Variants in SPATS2L observed in about 807,000 individuals in gnomAD.
SPATS2L encodes the protein SPATS2-like protein.
Under a neutral mutation model 59.6 loss-of-function variants are expected in SPATS2L, and 30 were observed. That is an observed-to-expected ratio of 0.50 (90% CI 0.38 to 0.68). The LOEUF (loss-of-function observed/expected upper bound fraction) is 0.68. SPATS2L is among the 30% of genes least tolerant of loss of function. The probability of loss-of-function intolerance (pLI) is 0.00; values close to 1 mark genes in which losing one functional copy is unlikely to be tolerated. For missense variants in SPATS2L, 615 were observed against 700.0 expected (o/e 0.88, Z 1.37); for synonymous variants, 252 against 263.5 (o/e 0.96, Z 0.42).
At chr2:200,368,887 A>G (rs936730883) in intron 2 of SPATS2L, among the ~76,000 whole-genome samples, 1 of 152,242 alleles carries the variant, frequency 6.6e-6, no homozygotes, top group Non-Finnish European at 1.5e-5. Context: ...AGTTTTACAT[A>G]TACATATATA....
intron 6 of SPATS2L, among the ~76,000 whole-genome samples, chr2:200,428,165 T>TTCACCTCCCTCTCACTCA (rs1204979414): frequency 3.3e-5 from 5 of 152,324 alleles, no homozygotes; most frequent in Non-Finnish European, 7.4e-5. Context: ...GTCTCCACTC[T>TTCACCTCCCTCTCACTCA]TCACCTCCCT....
rs561418378 is a variant in SPATS2L at position 200,439,246 on chromosome 2, T to C, written c.570T>C (p.Pro190=). 15 of 1,613,728 alleles carry C rather than the reference T, an allele frequency of 9.3e-6. No individual in the cohort carries two copies. The African/African-American group carries it at 1.9e-4, about 20-fold the overall frequency. Residue 190 remains proline (P), a synonymous_variant, in exon 7 of 13, where the codon CCT becomes CCC. Transcript: ENST00000409140. ...AGCAGCCTTGTAACCCAAGCAAGCC[T>C]AAGGCAAAAACATCTCCTGTTAAGT... is the stretch of plus-strand genomic sequence containing the variant. ...SAEQPCNPSK[P]KAKTSPVKSN... is the part of the protein sequence containing the mutation.
chr2:200,322,189 G>T (rs1206211128), intron 1 of SPATS2L, among the ~76,000 whole-genome samples: 2 of 152,140 alleles, frequency 1.3e-5, no homozygotes, highest in Non-Finnish European at 2.9e-5. Context: ...AGGAAATGAA[G>T]CATTGATATG....
At chr2:200,419,996 T>C (rs952639936) in intron 6 of SPATS2L, among the ~76,000 whole-genome samples, 11 of 152,224 alleles carry the variant, frequency 7.2e-5, no homozygotes, top group African/African-American at 2.2e-4. Context: ...TGTTATTCAA[T>C]GTTTTCTTTA....
intron 7 of SPATS2L, 115 bp from the exon 8 acceptor site, chr2:200,440,534 C>A: frequency 9.8e-7 from 1 of 1,015,466 alleles, no homozygotes; most frequent in Non-Finnish European, 1.4e-6. Flanking sequence ...GGAACTTTTA[C>A]TAGACAAAAG....
rs763086707 is a variant in SPATS2L at position 200,467,251 on chromosome 2, A to G, written c.848-39A>G. On this transcript the variant is annotated intron_variant, in intron 9 of 12. Coordinates refer to ENST00000409140, the MANE Select transcript of SPATS2L (RefSeq NM_001100423.2). ...AAATTAGGTTATTTAATATGTTTCA[A>G]TCTCTGGCCCTAATGTATGACTCCT... 71 of 1,339,390 alleles carry G rather than the reference A, an allele frequency of 5.3e-5. No homozygotes were observed. Among genetic ancestry groups the G allele is most frequent in the South Asian group, 4.7e-5 (4 of 85,118 alleles). The allele number at this position is 1,339,390 out of a possible 1,614,324, so 83.0% of individuals were successfully genotyped here.
At chr2:200,332,159 AGAGAGAGG>A (rs1323281692) in intron 2 of SPATS2L, among the ~76,000 whole-genome samples, 3 of 8,992 alleles carry the variant, frequency 3.3e-4, no homozygotes, top group Non-Finnish European at 2.5e-3. Context: ...TGTGTGAGAG[AGAGAGAGG>A]GAGAGGGAGA....
intron 9 of SPATS2L, 64 bp downstream of exon 9, chr2:200,459,891 G>T: frequency 8.3e-7 from 1 of 1,199,288 alleles, no homozygotes; most frequent in South Asian, 1.4e-5. Context: ...CCATAGGTCA[G>T]ACTGACAATG....
intron 8 of SPATS2L, among the ~76,000 whole-genome samples, chr2:200,456,750 G>T (rs1262885703): frequency 6.6e-6 from 1 of 152,070 alleles, no homozygotes; most frequent in Non-Finnish European, 1.5e-5. Context: ...CCTCCACTGG[G>T]CATCTGAGGA....
At chr2:200,313,824 C>G (rs2079273094) in intron 1 of SPATS2L, among the ~76,000 whole-genome samples, 1 of 152,190 alleles carries the variant, frequency 6.6e-6, no homozygotes, top group African/African-American at 2.4e-5. Flanking sequence ...GATTCTCTTT[C>G]ATTTCTTGAA....
At chr2:200,467,071 G>T (rs937414312) in intron 9 of SPATS2L, among the ~76,000 whole-genome samples, 2 of 152,192 alleles carry the variant, frequency 1.3e-5, no homozygotes, top group Non-Finnish European at 2.9e-5. Context: ...AATCAGAAGG[G>T]ACTGTGTTTG....
intron 1 of SPATS2L, among the ~76,000 whole-genome samples, chr2:200,324,805 A>T (rs2079680691): frequency 1.3e-5 from 2 of 152,248 alleles, no homozygotes; most frequent in Admixed American, 1.3e-4. Flanking sequence ...AAGTATCAGC[A>T]GAGCACAATT....
chr2:200,467,148 C>T (rs1485075588), intron 9 of SPATS2L, 142 bp from the exon 10 acceptor site: 7 of 630,554 alleles, frequency 1.1e-5, no homozygotes, highest in Admixed American at 2.8e-5. Flanking sequence ...AGGGTGAACC[C>T]GCCTCCATGA....
At chr2:200,381,164 G>A (rs1362733219) in intron 2 of SPATS2L, among the ~76,000 whole-genome samples, 1 of 152,158 alleles carries the variant, frequency 6.6e-6, no homozygotes, top group East Asian at 1.9e-4. Flanking sequence ...TGAAGAAGGA[G>A]CATTTGTTTC....
intron 8 of SPATS2L, among the ~76,000 whole-genome samples, chr2:200,448,781 T>C (rs1395668298): frequency 1.3e-5 from 2 of 152,094 alleles, no homozygotes; most frequent in Non-Finnish European, 2.9e-5. Flanking sequence ...TGCCAGAAGT[T>C]AAAGAAACAG....
chr2:200,429,816 G>T (rs747099247), intron 6 of SPATS2L, among the ~76,000 whole-genome samples: 13 of 152,096 alleles, frequency 8.5e-5, no homozygotes, highest in Non-Finnish European at 1.5e-4. Flanking sequence ...ACAAAGTAGG[G>T]CAAGAAGAGT....
At chr2:200,332,155 A>T (rs535894332) in intron 2 of SPATS2L, among the ~76,000 whole-genome samples, 144 of 12,414 alleles carry the variant, frequency 0.012, 2 homozygotes, top group Admixed American at 0.067. Context: ...TGTGTGTGTG[A>T]GAGAGAGAGA....
chr2:200,307,139 T>C (rs2079045402), intron 1 of SPATS2L, among the ~76,000 whole-genome samples: 1 of 150,594 alleles, frequency 6.6e-6, no homozygotes, highest in South Asian at 2.1e-4. Flanking sequence ...TCGCCGTCCT[T>C]CCTTTCTCCA....
At chr2:200,347,695 T>C (rs1677798907) in intron 2 of SPATS2L, among the ~76,000 whole-genome samples, 1 of 152,182 alleles carries the variant, frequency 6.6e-6, no homozygotes, top group South Asian at 2.1e-4. Flanking sequence ...TGGGGGTGGA[T>C]GGATACTGAA....
Sources: gnomAD v4.1 joint callset for allele counts (sites outside exome capture counted in the v4.1 genomes callset) on GRCh38, gnomAD v4.1.1 for gene constraint, MANE v1.5 for transcripts, NCBI Gene and HGNC (gene_info 2026-07-23, HGNC 2026-07-21) for gene names.